The following DACH1 variants were observed in gnomAD, a reference collection of about 807,000 sequenced individuals.
DACH1 encodes dachshund homolog 1.
A neutral mutation model predicts 54.2 loss-of-function variants in DACH1; 12 were observed. That is an observed-to-expected ratio of 0.22 (90% CI 0.14 to 0.36). The LOEUF (loss-of-function observed/expected upper bound fraction) is 0.36, where lower values mean the gene tolerates loss of function less well. DACH1 is among the 10% of genes least tolerant of loss of function. DACH1 has a pLI of 1.00. For synonymous variants in DACH1, 386 were observed against 366.2 expected (o/e 1.05, Z -0.62); for missense variants, 805 against 929.8 (o/e 0.87, Z 1.75).
At chr13:71,577,345 C>T (rs1239811247) in intron 3 of DACH1, among the ~76,000 whole-genome samples, 2 of 152,180 alleles carry the variant, frequency 1.3e-5, no homozygotes, top group Admixed American at 6.6e-5. Context: ...CCTTGACCTT[C>T]TCAGTGAGGA....
intron 8 of DACH1, among the ~76,000 whole-genome samples, chr13:71,477,080 T>TATATATATATATA (rs375310936): frequency 2.6e-4 from 12 of 46,260 alleles, no homozygotes; most frequent in African/African-American, 7.0e-4. Flanking sequence ...GTTTTTATTA[T>TATATATATATATA]TATATATATA....
chr13:71,819,932 A>G (rs1033197132), intron 1 of DACH1, among the ~76,000 whole-genome samples: 3 of 151,966 alleles, frequency 2.0e-5, no homozygotes, highest in African/African-American at 7.3e-5. Flanking sequence ...ATTAGCTAGA[A>G]TGGACCAGAA....
chr13:71,844,408 A>G (rs2138244407), intron 1 of DACH1, among the ~76,000 whole-genome samples: 1 of 152,334 alleles, frequency 6.6e-6, no homozygotes. Flanking sequence ...CAGAAACATC[A>G]GGATGCAGCC....
chr13:71,527,307 A>G (rs188885815), intron 6 of DACH1, among the ~76,000 whole-genome samples: 1 of 152,298 alleles, frequency 6.6e-6, no homozygotes, highest in African/African-American at 2.4e-5. Context: ...TTATATTTGT[A>G]CTACACATTA....
intron 1 of DACH1, among the ~76,000 whole-genome samples, chr13:71,863,822 A>C (rs1429270285): frequency 6.7e-6 from 1 of 149,560 alleles, no homozygotes; most frequent in Non-Finnish European, 1.5e-5. Flanking sequence ...TTAATTATCT[A>C]GTATCTAGTG....
At chr13:71,613,368 A>G (rs750713175) in intron 3 of DACH1, among the ~76,000 whole-genome samples, 2 of 152,192 alleles carry the variant, frequency 1.3e-5, no homozygotes, top group South Asian at 2.1e-4. Flanking sequence ...GAGTCTTTTC[A>G]GGCTATGTTA....
At chr13:71,465,038 C>T (rs1307830233) in intron 10 of DACH1, among the ~76,000 whole-genome samples, 2 of 151,998 alleles carry the variant, frequency 1.3e-5, no homozygotes, top group Non-Finnish European at 2.9e-5. Flanking sequence ...ATGGTTTGAA[C>T]AGTAGAAATA....
chr13:71,692,792 A>T (rs1450310514), intron 1 of DACH1, among the ~76,000 whole-genome samples: 4 of 152,114 alleles, frequency 2.6e-5, no homozygotes, highest in South Asian at 4.1e-4. Context: ...AAGTGCTGGG[A>T]TTACAGGCGT....
At chr13:71,628,494 T>C (rs1396462546) in intron 3 of DACH1, among the ~76,000 whole-genome samples, 5 of 152,066 alleles carry the variant, frequency 3.3e-5, no homozygotes, top group Non-Finnish European at 7.4e-5. Context: ...GATATTATGT[T>C]AGCACAATCT....
chr13:71,826,419 T>G (rs142837202), intron 1 of DACH1, among the ~76,000 whole-genome samples: 6 of 152,090 alleles, frequency 3.9e-5, no homozygotes, highest in African/African-American at 1.4e-4. Context: ...CCATTTCTTA[T>G]GAGCAAGGCT....
chr13:71,488,260 T>C (rs531775942), intron 7 of DACH1, among the ~76,000 whole-genome samples: 1 of 152,282 alleles, frequency 6.6e-6, no homozygotes, highest in South Asian at 2.1e-4. Flanking sequence ...TACCCAAATA[T>C]GGAGAAGTAG....
intron 4 of DACH1, 121 bp downstream of exon 4, chr13:71,572,719 A>C (rs1005389554): frequency 9.6e-7 from 1 of 1,042,572 alleles, no homozygotes; most frequent in Middle Eastern, 3.3e-4. Flanking sequence ...TTTTTTTAAT[A>C]GTCTATTTAC....
At position 71,778,297 on chromosome 13, in the gene DACH1, T is replaced by A. The variant is rs182217744; in HGVS notation, c.848+87625A>T. On this transcript the variant is annotated intron_variant, in intron 1 of 10. Transcript: ENST00000613252. ...GCCAGATTTCTGACAATTAACTCAC[T>A]AATTTCTTGATACTTTGATTTTTAC... 4.6e-5 allele frequency among the ~76,000 whole-genome samples: 7 copies of A among 152,134 alleles called. No individual in the cohort carries two copies. The East Asian group carries it at 7.7e-4, about 17-fold the overall frequency.
At chr13:71,559,787 T>G in intron 5 of DACH1, 33 bp downstream of exon 5, 1 of 1,613,182 alleles carries the variant, frequency 6.2e-7, no homozygotes, top group Non-Finnish European at 8.5e-7. Context: ...TAATAAAGTT[T>G]AAAATGGTGA....
intron 1 of DACH1, among the ~76,000 whole-genome samples, chr13:71,844,762 G>A (rs142152229): frequency 1.2e-3 from 183 of 152,014 alleles, no homozygotes; most frequent in Admixed American, 2.0e-3. Flanking sequence ...AAGAAAATGT[G>A]GAACAATATT....
At chr13:71,468,101 A>G (rs1367048356) in intron 10 of DACH1, among the ~76,000 whole-genome samples, 2 of 152,178 alleles carry the variant, frequency 1.3e-5, no homozygotes, top group African/African-American at 4.8e-5. Flanking sequence ...GGACATTTCC[A>G]CAAACACTTT....
At chr13:71,797,803 A>C (rs959511731) in intron 1 of DACH1, among the ~76,000 whole-genome samples, 1 of 152,104 alleles carries the variant, frequency 6.6e-6, no homozygotes, top group Non-Finnish European at 1.5e-5. Flanking sequence ...CGAGTCATGA[A>C]ATTTTCTCAA....
At chr13:71,457,281 A>T (rs1390288612) in intron 10 of DACH1, among the ~76,000 whole-genome samples, 3 of 152,020 alleles carry the variant, frequency 2.0e-5, no homozygotes, top group Admixed American at 6.6e-5. Flanking sequence ...GAACAATATC[A>T]TGAAAAATAC....
intron 4 of DACH1, among the ~76,000 whole-genome samples, chr13:71,568,549 A>T (rs186866794): frequency 4.4e-4 from 67 of 152,192 alleles, no homozygotes; most frequent in Non-Finnish European, 3.1e-4. Flanking sequence ...AACCTAGAAG[A>T]ATTAGTAGAC....
Sources: gnomAD v4.1 joint callset for allele counts (sites outside exome capture counted in the v4.1 genomes callset) on GRCh38, gnomAD v4.1.1 for gene constraint, MANE v1.5 for transcripts, NCBI Gene and HGNC (gene_info 2026-07-23, HGNC 2026-07-21) for gene names.